The following PKHD1 variants were observed in gnomAD, a reference collection of about 807,000 sequenced individuals.
PKHD1 encodes the protein PKHD1 ciliary IPT domain containing fibrocystin/polyductin.
PKHD1 carries 291 observed loss-of-function variants against 412.0 expected under a neutral mutation model. The observed-to-expected ratio is 0.71, with a 90% CI of 0.64 to 0.78. PKHD1 has a LOEUF of 0.78. Among genes scored for constraint, PKHD1 ranks in the 30% least tolerant of loss-of-function variants. The pLI, the probability that PKHD1 is intolerant of heterozygous loss-of-function variation, is 0.00. For missense variants in PKHD1, 4,825 were observed against 4,950.7 expected, an observed-to-expected ratio of 0.97 and a Z score of 0.76; for synonymous variants, 1,777 against 1,821.5, an observed-to-expected ratio of 0.98 and a Z score of 0.62.
intron 46 of PKHD1, among the ~76,000 whole-genome samples, chr6:51,872,571 G>T (rs1776143792): frequency 6.6e-6 from 1 of 152,024 alleles, no homozygotes; most frequent in Non-Finnish European, 1.5e-5. Flanking sequence ...ACCACATCTG[G>T]CTAATTTTTG....
At chr6:51,717,891 C>T (rs930950288) in intron 60 of PKHD1, among the ~76,000 whole-genome samples, 5 of 152,198 alleles carry the variant, frequency 3.3e-5, no homozygotes, top group East Asian at 1.9e-4. Flanking sequence ...AAGCCAGTGA[C>T]GTAGGCAAAG....
chr6:51,818,490 C>T (rs1582865225), intron 52 of PKHD1, among the ~76,000 whole-genome samples: 1 of 152,136 alleles, frequency 6.6e-6, no homozygotes, highest in African/African-American at 2.4e-5. Flanking sequence ...ACTCTACTGT[C>T]TCTGTTATCT....
At chr6:51,719,368 T>C (rs1781641367) in intron 60 of PKHD1, among the ~76,000 whole-genome samples, 1 of 152,122 alleles carries the variant, frequency 6.6e-6, no homozygotes, top group African/African-American at 2.4e-5. Context: ...AATCACTTAG[T>C]ACAGGGTTTC....
chr6:51,831,077 C>T, intron 51 of PKHD1, 88 bp from the exon 52 acceptor site: 1 of 957,818 alleles, frequency 1.0e-6, no homozygotes, highest in South Asian at 1.4e-5. Context: ...GTGGTATTTT[C>T]ACCTCCCAAA....
At chr6:51,704,521 T>C (rs1779793054) in intron 60 of PKHD1, among the ~76,000 whole-genome samples, 2 of 152,026 alleles carry the variant, frequency 1.3e-5, no homozygotes, top group African/African-American at 4.8e-5. Flanking sequence ...CTGCTATAGC[T>C]CAGGTAAAAG....
In PKHD1 at chr6:52,025,725, C is replaced by G. The variant is rs142965278; in HGVS notation, c.4085G>C (p.Gly1362Ala). 5 of 1,614,042 alleles carry G rather than the reference C, an allele frequency of 3.1e-6. No homozygotes were observed. Among genetic ancestry groups the G allele is most frequent in the Non-Finnish European group, 3.4e-6 (4 of 1,180,022 alleles). ...CSIPLHSLEAGIYPLQVRQKQ... is the reference protein window; with the variant it reads ...CSIPLHSLEAAIYPLQVRQKQ... The stretch of plus-strand genomic sequence containing the variant: ...CTGACGTACTTGGAGAGGATAGATG[C>G]CAGCCTCCAGACTGTGAAGAGGGAT... Residue 1362 changes from glycine to alanine, a missense_variant, in exon 32 of 67, where the codon GGC becomes GCC. Physicochemically the swap from Gly to Ala is moderately conservative, Grantham distance 60 (BLOSUM62 0). Coordinates refer to ENST00000371117, the MANE Select transcript of PKHD1 (RefSeq NM_138694.4).
chr6:51,731,428 G>C (rs1041633796), intron 60 of PKHD1, among the ~76,000 whole-genome samples: 1 of 152,146 alleles, frequency 6.6e-6, no homozygotes, highest in African/African-American at 2.4e-5. Context: ...TTGTTAACTT[G>C]AGTAGTAAAA....
At chr6:51,968,166 G>T (rs1793116901) in intron 35 of PKHD1, among the ~76,000 whole-genome samples, 1 of 152,116 alleles carries the variant, frequency 6.6e-6, no homozygotes, top group South Asian at 2.1e-4. Context: ...ACTGCCATCT[G>T]CTCTAATTAC....
chr6:51,779,982 C>A (rs1413996286), intron 53 of PKHD1, among the ~76,000 whole-genome samples: 1 of 152,050 alleles, frequency 6.6e-6, no homozygotes, highest in African/African-American at 2.4e-5. Context: ...TGGAATTATA[C>A]AGCATTTGTT....
Position 51,924,860 on chromosome 6 carries a change from TAAC to T in PKHD1, c.6121+9247_6121+9249del, listed in dbSNP as rs1785273147. On this transcript the variant is annotated intron_variant, in intron 37 of 66. Transcript: ENST00000371117. ...CCAAATCAAAAGTGTAAACAAATAATAACAATGATAATAACTGACATTTATTGA... is the reference window on the plus strand; with the variant it reads ...CCAAATCAAAAGTGTAAACAAATAATAATGATAATAACTGACATTTATTGA... 2.0e-5 allele frequency among the ~76,000 whole-genome samples: 3 copies of T among 152,208 alleles called. No homozygotes were observed. The South Asian group carries it at 6.2e-4, about 31-fold the overall frequency.
chr6:51,693,279 C>T (rs1188233462), intron 60 of PKHD1, among the ~76,000 whole-genome samples: 1 of 152,160 alleles, frequency 6.6e-6, no homozygotes, highest in Admixed American at 6.5e-5. Context: ...TAACACTTTC[C>T]CATTGGCCCT....
At chr6:51,890,952 T>C (rs967610695) in intron 43 of PKHD1, among the ~76,000 whole-genome samples, 2 of 152,206 alleles carry the variant, frequency 1.3e-5, no homozygotes, top group Non-Finnish European at 2.9e-5. Context: ...GCAGTTGTCA[T>C]CTACTATCAG....
intron 36 of PKHD1, among the ~76,000 whole-genome samples, chr6:51,935,801 C>T (rs570899199): frequency 3.4e-4 from 51 of 152,224 alleles, no homozygotes; most frequent in African/African-American, 1.2e-3. Flanking sequence ...TTGATATTCC[C>T]GTGAATATCA....
Position 52,045,042 on chromosome 6 carries a change from C to G in PKHD1, c.2639G>C (p.Arg880Pro). Reference protein sequence around the residue: ...LTGVNPAAATRVVYDGGVFLG... With the variant: ...LTGVNPAAATPVVYDGGVFLG... ...AAAAACTCCACCATCATATACCACA[C>G]GCGTGGCTGCAGCAGGATTCACTCC... The change falls in exon 25 of 67, where the codon CGT becomes CCT. Residue 880 changes from arginine (R) to proline (P), a missense_variant. Coordinates refer to ENST00000371117, the MANE Select transcript of PKHD1 (RefSeq NM_138694.4). 6.2e-7 allele frequency: 1 copy of G among 1,613,076 alleles called. No homozygotes were observed. Among genetic ancestry groups the G allele is most frequent in the Non-Finnish European group, 8.5e-7 (1 of 1,179,108 alleles).
chr6:51,935,825 T>C (rs993961699), intron 36 of PKHD1, among the ~76,000 whole-genome samples: 1 of 152,334 alleles, frequency 6.6e-6, no homozygotes, highest in Admixed American at 6.5e-5. Context: ...ATAAGAATTA[T>C]CAAAAATATC....
At chr6:51,740,427 T>C (rs1028194328) in intron 60 of PKHD1, among the ~76,000 whole-genome samples, 1 of 152,140 alleles carries the variant, frequency 6.6e-6, no homozygotes, top group Non-Finnish European at 1.5e-5. Flanking sequence ...TCAAAGGCAA[T>C]GGATTCCAAA....
chr6:51,926,296 G>T (rs1259750700), intron 37 of PKHD1, among the ~76,000 whole-genome samples: 1 of 152,138 alleles, frequency 6.6e-6, no homozygotes, highest in Admixed American at 6.5e-5. Context: ...AAGAGTCGCA[G>T]AGAAACAAAA....
intron 52 of PKHD1, among the ~76,000 whole-genome samples, chr6:51,806,028 T>C (rs769580354): frequency 2.0e-5 from 3 of 149,128 alleles, no homozygotes; most frequent in Non-Finnish European, 4.4e-5. Flanking sequence ...TGGGTCCAGA[T>C]GGTATTTCTA....
At chr6:51,986,600 T>G (rs1419733949) in intron 35 of PKHD1, among the ~76,000 whole-genome samples, 2 of 152,148 alleles carry the variant, frequency 1.3e-5, no homozygotes, top group Non-Finnish European at 2.9e-5. Flanking sequence ...TCCAGAGGTA[T>G]CAACAAAATA....
Sources: gnomAD v4.1 joint callset for allele counts (sites outside exome capture counted in the v4.1 genomes callset) on GRCh38, gnomAD v4.1.1 for gene constraint, MANE v1.5 for transcripts, NCBI Gene and HGNC (gene_info 2026-07-23, HGNC 2026-07-21) for gene names.